The following DYM variants were observed in gnomAD, a reference collection of about 807,000 sequenced individuals.
DYM encodes the protein dyggve-Melchior-Clausen syndrome protein.
A neutral mutation model predicts 93.1 loss-of-function variants in DYM; 78 were observed. The ratio of observed to expected loss-of-function variants is 0.84; its 90% CI spans 0.70 to 1.01. DYM has a LOEUF of 1.01. Among genes scored for constraint, DYM ranks in the 50% least tolerant of loss-of-function variants. The pLI is 0.00. For synonymous variants in DYM, 321 were observed against 319.7 expected (o/e 1.00, Z -0.04); for missense variants, 789 against 845.0 (o/e 0.93, Z 0.82).
At chr18:49,184,418 T>C (rs898839780) in intron 14 of DYM, among the ~76,000 whole-genome samples, 1 of 152,136 alleles carries the variant, frequency 6.6e-6, no homozygotes, top group African/African-American at 2.4e-5. Flanking sequence ...CCCTAAGGAC[T>C]GGGTTACTGA....
At chr18:49,172,384 GTTAT>G (rs1205011383) in intron 14 of DYM, among the ~76,000 whole-genome samples, 3 of 152,140 alleles carry the variant, frequency 2.0e-5, no homozygotes, top group South Asian at 2.1e-4. Context: ...TGGATTGTAT[GTTAT>G]TTGTTTCACT....
At chr18:49,317,081 T>A (rs1279892191) in intron 8 of DYM, among the ~76,000 whole-genome samples, 1 of 152,200 alleles carries the variant, frequency 6.6e-6, no homozygotes, top group Non-Finnish European at 1.5e-5. Context: ...TGTATCAATA[T>A]TGGCTTGTCA....
chr18:49,298,417 T>C (rs945829880), intron 8 of DYM, among the ~76,000 whole-genome samples: 1 of 151,682 alleles, frequency 6.6e-6, no homozygotes, highest in Non-Finnish European at 1.5e-5. Context: ...CCGTCTCTAC[T>C]AAAAAATACA....
intron 3 of DYM, among the ~76,000 whole-genome samples, chr18:49,385,789 G>A (rs2068553073): frequency 1.3e-5 from 2 of 151,858 alleles, no homozygotes; most frequent in African/African-American, 4.8e-5. Context: ...AAAAATAATG[G>A]CCAGTGCTTT....
At position 49,190,338 on chromosome 18, in the gene DYM, T is replaced by C. The variant is rs998232119; in HGVS notation, c.1625+19213A>G. ...TACAGAAAAGACTGAAATATCATTG[T>C]ATATGGTTACATTGCTATCTTTAAA... On this transcript the variant is annotated intron_variant, in intron 14 of 17. Transcript: ENST00000675505. Among the ~76,000 whole-genome samples, 4 of 152,362 alleles carry C rather than the reference T, an allele frequency of 2.6e-5. No homozygotes were observed. The East Asian group carries it at 5.8e-4, about 22-fold the overall frequency.
At chr18:49,357,538 C>G (rs185750569) in intron 6 of DYM, among the ~76,000 whole-genome samples, 1 of 152,250 alleles carries the variant, frequency 6.6e-6, no homozygotes, top group Admixed American at 6.5e-5. Flanking sequence ...TTACAATGTG[C>G]CAACTACAAA....
intron 13 of DYM, among the ~76,000 whole-genome samples, chr18:49,249,592 G>A (rs1388632852): frequency 6.6e-6 from 1 of 152,074 alleles, no homozygotes; most frequent in Non-Finnish European, 1.5e-5. Context: ...GAGCCTGAAT[G>A]GTCTAAAAGA....
chr18:49,252,507 G>C (rs1342858620), intron 13 of DYM, among the ~76,000 whole-genome samples: 1 of 152,140 alleles, frequency 6.6e-6, no homozygotes, highest in Non-Finnish European at 1.5e-5. Flanking sequence ...ACTTCCACCT[G>C]TTCTCTCCCT....
intron 15 of DYM, 73 bp downstream of exon 15, chr18:49,163,611 TG>T: frequency 1.0e-6 from 1 of 969,108 alleles, no homozygotes; most frequent in Non-Finnish European, 1.6e-6. Context: ...CCCAAAGTGC[TG>T]GGATTACAGG....
chr18:49,224,284 G>A (rs1026270329), intron 13 of DYM, among the ~76,000 whole-genome samples: 1 of 152,054 alleles, frequency 6.6e-6, no homozygotes, highest in Non-Finnish European at 1.5e-5. Flanking sequence ...CTGAGTTTGA[G>A]ATGTCTCTGA....
At chr18:49,064,156 C>T (rs992946065) in intron 17 of DYM, among the ~76,000 whole-genome samples, 3 of 152,132 alleles carry the variant, frequency 2.0e-5, no homozygotes, top group African/African-American at 7.2e-5. Flanking sequence ...TATATAGAAT[C>T]CTACATGAAA....
intron 14 of DYM, among the ~76,000 whole-genome samples, chr18:49,195,094 C>T (rs936525319): frequency 4.6e-5 from 7 of 152,088 alleles, no homozygotes; most frequent in African/African-American, 1.7e-4. Context: ...TTAGCTGAAG[C>T]TAGCAGAGTA....
intron 15 of DYM, among the ~76,000 whole-genome samples, chr18:49,160,860 T>C (rs968313944): frequency 2.0e-5 from 3 of 152,172 alleles, no homozygotes; most frequent in African/African-American, 4.8e-5. Flanking sequence ...CAACAAAACA[T>C]TGAAGTATCA....
At chr18:49,156,559 C>T (rs1009477185) in intron 15 of DYM, among the ~76,000 whole-genome samples, 1 of 151,900 alleles carries the variant, frequency 6.6e-6, no homozygotes, top group African/African-American at 2.4e-5. Context: ...TGATGAGACC[C>T]TGTCTCTACT....
At chr18:49,444,848 A>AT (rs2148647297) in intron 1 of DYM, among the ~76,000 whole-genome samples, 1 of 152,348 alleles carries the variant, frequency 6.6e-6, no homozygotes, top group Admixed American at 6.5e-5. Context: ...TTCACAGACT[A>AT]TTAGCAGTAT....
intron 13 of DYM, among the ~76,000 whole-genome samples, chr18:49,247,308 T>C (rs1361432790): frequency 2.0e-5 from 3 of 152,140 alleles, no homozygotes; most frequent in Non-Finnish European, 4.4e-5. Context: ...CTGCGAGTAA[T>C]AATTTATGAT....
chr18:49,220,933 C>T (rs1202709836), intron 13 of DYM, among the ~76,000 whole-genome samples: 2 of 152,158 alleles, frequency 1.3e-5, no homozygotes, highest in African/African-American at 4.8e-5. Flanking sequence ...AGAGCTTCTG[C>T]ACAGCAAAAG....
chr18:49,161,367 T>A (rs1338734387), intron 15 of DYM, among the ~76,000 whole-genome samples: 1 of 152,176 alleles, frequency 6.6e-6, no homozygotes, highest in Non-Finnish European at 1.5e-5. Context: ...GATCTCTGAT[T>A]AAAGAAGAAT....
chr18:49,316,760 C>G (rs1458633221), intron 8 of DYM, among the ~76,000 whole-genome samples: 1 of 150,168 alleles, frequency 6.7e-6, no homozygotes, highest in Non-Finnish European at 1.5e-5. Context: ...TTTTTACTAT[C>G]TCTCTTTTTT....
Sources: gnomAD v4.1 joint callset for allele counts (sites outside exome capture counted in the v4.1 genomes callset) on GRCh38, gnomAD v4.1.1 for gene constraint, MANE v1.5 for transcripts, NCBI Gene and HGNC (gene_info 2026-07-23, HGNC 2026-07-21) for gene names.